Variants in LAMB4 observed in about 807,000 individuals in gnomAD.
LAMB4 encodes laminin subunit beta 4.
A neutral mutation model predicts 199.2 loss-of-function variants in LAMB4; 196 were observed. That is an observed-to-expected ratio of 0.98 (90% CI 0.88 to 1.11). LAMB4 has a LOEUF of 1.11. Ranked by LOEUF, LAMB4 falls within the 50% of genes least tolerant of loss-of-function variation. LAMB4 has a pLI of 0.00. For missense variants in LAMB4, 2,080 were observed against 2,171.2 expected (o/e 0.96, Z 0.83); for synonymous variants, 744 against 770.6 (o/e 0.97, Z 0.57).
intron 32 of LAMB4, 119 bp downstream of exon 32, chr7:108,030,687 G>C (rs545932500): frequency 3.5e-5 from 32 of 911,940 alleles, no homozygotes; most frequent in African/African-American, 3.3e-5. Context: ...ATATACCATT[G>C]AGTCATGGAC....
chr7:108,106,462 A>T (rs958503015), intron 7 of LAMB4, 47 bp downstream of exon 7: 36 of 1,142,606 alleles, frequency 3.2e-5, no homozygotes, highest in Non-Finnish European at 4.5e-5. Context: ...TATGCCAAAC[A>T]TGAAATTTTT....
intron 17 of LAMB4, among the ~76,000 whole-genome samples, chr7:108,071,241 TTGTC>T (rs1347967703): frequency 1.3e-5 from 2 of 152,240 alleles, no homozygotes; most frequent in East Asian, 3.9e-4. Context: ...AATCATTTCC[TTGTC>T]ATCACCCCTG....
chr7:108,097,276 T>C (rs1442870579), intron 11 of LAMB4, among the ~76,000 whole-genome samples: 1 of 152,238 alleles, frequency 6.6e-6, no homozygotes, highest in Admixed American at 6.5e-5. Context: ...CCAGGGTTTC[T>C]GAGGAATCTG....
chr7:108,080,968 A>G (rs1584704720), intron 14 of LAMB4, among the ~76,000 whole-genome samples: 1 of 152,194 alleles, frequency 6.6e-6, no homozygotes, highest in East Asian at 1.9e-4. Context: ...CTAAAAATAC[A>G]AAAATTATCT....
intron 5 of LAMB4, 133 bp downstream of exon 5, chr7:108,109,038 C>A: frequency 1.5e-6 from 1 of 655,854 alleles, no homozygotes; most frequent in Non-Finnish European, 2.7e-6. Context: ...AGTCAAAGCT[C>A]AGGTGGCAAA....
intron 29 of LAMB4, among the ~76,000 whole-genome samples, chr7:108,041,416 C>T (rs1292016770): frequency 6.6e-6 from 1 of 152,104 alleles, no homozygotes; most frequent in Admixed American, 6.6e-5. Flanking sequence ...AAGGGTTAGA[C>T]ATCATTCTAT....
chr7:108,114,154 G>A (rs1009020761), intron 3 of LAMB4, among the ~76,000 whole-genome samples: 1 of 152,172 alleles, frequency 6.6e-6, no homozygotes. Flanking sequence ...AAGTGGCGGT[G>A]GCTCATGCCT....
intron 11 of LAMB4, among the ~76,000 whole-genome samples, chr7:108,098,010 C>CGTAA (rs1563090369): frequency 6.6e-6 from 1 of 152,042 alleles, no homozygotes; most frequent in African/African-American, 2.4e-5. Context: ...TTTTTAAAAC[C>CGTAA]CAGAGGTTGG....
chr7:108,048,966 C>T (rs1268802578), intron 27 of LAMB4, among the ~76,000 whole-genome samples: 1 of 152,208 alleles, frequency 6.6e-6, no homozygotes, highest in East Asian at 1.9e-4. Context: ...GCTGGAATTA[C>T]AGGCGTGAGC....
intron 17 of LAMB4, among the ~76,000 whole-genome samples, chr7:108,076,574 C>T (rs182878711): frequency 6.6e-6 from 1 of 152,150 alleles, no homozygotes; most frequent in Non-Finnish European, 1.5e-5. Flanking sequence ...ATTTCCTATA[C>T]CAACAGTGTG....
intron 26 of LAMB4, among the ~76,000 whole-genome samples, chr7:108,051,682 G>A: frequency 6.6e-6 from 1 of 151,630 alleles, no homozygotes; most frequent in African/African-American, 2.4e-5. Context: ...ATATTGTGGG[G>A]TTTTTTTTGC....
chr7:108,055,773 T>C lies in LAMB4; in HGVS notation c.3614A>G (p.Asp1205Gly), dbSNP rs369149244. 1.9e-6 allele frequency: 3 copies of C among 1,614,130 alleles called. No homozygotes were observed. In the African/African-American group the frequency reaches 4.0e-5, roughly 22 times the overall value. The change falls in exon 25 of 34, where the codon GAT (aspartate) becomes GGT (glycine). Residue 1205 changes from aspartate to glycine, a missense_variant. By Grantham distance (94) the Asp-to-Gly change is moderately conservative. Coordinates refer to ENST00000388781, the MANE Select transcript of LAMB4 (RefSeq NM_007356.3). ...ACAGACAGGCAGGGTCTCTCTTTTA[T>C]CTTCCATGTTAGCAGCCAGTCTCAT... ...GLMRLAANME[D>G]KRETLPVCEA... is the part of the protein sequence containing the mutation.
At chr7:108,086,642 T>C (rs2037189248) in intron 14 of LAMB4, among the ~76,000 whole-genome samples, 1 of 152,110 alleles carries the variant, frequency 6.6e-6, no homozygotes, top group Admixed American at 6.6e-5. Context: ...GTAGGAAATG[T>C]CAGAGAAAAA....
intron 2 of LAMB4, among the ~76,000 whole-genome samples, chr7:108,118,713 C>A (rs1193117840): frequency 6.6e-6 from 1 of 151,652 alleles, no homozygotes; most frequent in East Asian, 1.9e-4. Context: ...AGGAGAAAAT[C>A]TGGCATTTAG....
chr7:108,121,485 C>T (rs886298166), intron 2 of LAMB4, among the ~76,000 whole-genome samples: 1 of 152,114 alleles, frequency 6.6e-6, no homozygotes, highest in African/African-American at 2.4e-5. Context: ...CACGGTGGCT[C>T]ACACCTGTAA....
At chr7:108,098,231 G>A (rs79270306) in intron 11 of LAMB4, among the ~76,000 whole-genome samples, 172 bp downstream of exon 11, 1 of 152,154 alleles carries the variant, frequency 6.6e-6, no homozygotes, top group East Asian at 1.9e-4. Flanking sequence ...TACTCGGGAG[G>A]CTGAGGAAGG....
At chr7:108,095,778 C>G (rs753709364) in intron 11 of LAMB4, among the ~76,000 whole-genome samples, 2 of 152,144 alleles carry the variant, frequency 1.3e-5, no homozygotes, top group Non-Finnish European at 2.9e-5. Flanking sequence ...TTAATTCCCC[C>G]CTCCTTCTTC....
intron 2 of LAMB4, among the ~76,000 whole-genome samples, chr7:108,120,091 C>A (rs189162194): frequency 4.5e-4 from 69 of 152,182 alleles, no homozygotes; most frequent in Non-Finnish European, 8.7e-4. Context: ...TTGTGCCAAG[C>A]CTTATTTCAG....
At chr7:108,116,236 A>AGG (rs2038404303) in intron 2 of LAMB4, 75 bp from the exon 3 acceptor site, 1 of 1,371,742 alleles carries the variant, frequency 7.3e-7, no homozygotes, top group Non-Finnish European at 1.0e-6. Context: ...TGACTGGTTA[A>AGG]GGGGGAAAGT....
Sources: allele counts gnomAD v4.1 joint callset (sites outside exome capture counted in the v4.1 genomes callset), GRCh38; gene constraint gnomAD v4.1.1; transcripts MANE v1.5; gene names NCBI Gene and HGNC (gene_info 2026-07-23, HGNC 2026-07-21).